The following ROBO2 variants were observed in gnomAD, a reference collection of about 807,000 sequenced individuals.
The protein encoded by ROBO2 is roundabout guidance receptor 2.
Under a neutral mutation model 160.8 loss-of-function variants are expected in ROBO2, and 53 were observed. The ratio of observed to expected loss-of-function variants is 0.33; its 90% CI spans 0.26 to 0.41. The LOEUF (loss-of-function observed/expected upper bound fraction) is 0.41, where lower values mean the gene tolerates loss of function less well. ROBO2 is among the 10% of genes least tolerant of loss of function. The pLI, the probability that ROBO2 is intolerant of heterozygous loss-of-function variation, is 1.00. For synonymous variants in ROBO2, 664 were observed against 611.7 expected (o/e 1.09, Z -1.26); for missense variants, 1,577 against 1,722.4 (o/e 0.92, Z 1.49).
chr3:76,292,060 C>G (rs566136612), intron 2 of ROBO2, among the ~76,000 whole-genome samples: 1 of 152,010 alleles, frequency 6.6e-6, no homozygotes, highest in African/African-American at 2.4e-5. Context: ...TCCCAAATAT[C>G]TTATTAGTTT....
At chr3:76,200,919 GA>G (rs923200277) in intron 2 of ROBO2, among the ~76,000 whole-genome samples, 2 of 151,950 alleles carry the variant, frequency 1.3e-5, no homozygotes, top group Non-Finnish European at 2.9e-5. Flanking sequence ...GTTATTAATT[GA>G]AAAAATAAAA....
chr3:75,959,249 A>G (rs1391470209), intron 2 of ROBO2, among the ~76,000 whole-genome samples: 1 of 151,750 alleles, frequency 6.6e-6, no homozygotes, highest in East Asian at 2.0e-4. Context: ...GTTGATGACC[A>G]CTGTAAGTCT....
At chr3:77,448,347 A>G (rs1238754453) in intron 2 of ROBO2, among the ~76,000 whole-genome samples, 5 of 152,120 alleles carry the variant, frequency 3.3e-5, no homozygotes, top group Non-Finnish European at 7.4e-5. Context: ...CCAACTACCT[A>G]CAAATGTAAA....
chr3:77,524,955 G>A (rs1215424415), intron 6 of ROBO2, among the ~76,000 whole-genome samples: 1 of 151,124 alleles, frequency 6.6e-6, no homozygotes, highest in African/African-American at 2.4e-5. Context: ...ATAATGTAGA[G>A]TAAAATACTG....
In ROBO2 at chr3:76,437,291, G is replaced by T. The variant is rs55717033; in HGVS notation, c.109+499689G>T. Among the ~76,000 whole-genome samples the T allele has an allele frequency of 1.3e-3, 204 of 152,270 alleles. 1 individual carries two copies. The highest frequency in any genetic ancestry group is 4.8e-3 in the African/African-American group (198 of 41,558). On this transcript the variant is annotated intron_variant, in intron 2 of 26. Transcript: ENST00000487694. Reference sequence around the variant, plus strand: ...TAATGACAAGGGCGATAAATGAAAAGATATTAGGCAGTATACTGCTCTCTA... The same window carrying T: ...TAATGACAAGGGCGATAAATGAAAATATATTAGGCAGTATACTGCTCTCTA...
chr3:77,456,676 C>T (rs2081673160), intron 2 of ROBO2, among the ~76,000 whole-genome samples: 1 of 152,160 alleles, frequency 6.6e-6, no homozygotes, highest in South Asian at 2.1e-4. Flanking sequence ...ATGGGGATGA[C>T]ATTTTAAACT....
intron 2 of ROBO2, among the ~76,000 whole-genome samples, chr3:76,158,489 G>A (rs1029753047): frequency 6.6e-6 from 1 of 151,956 alleles, no homozygotes; most frequent in South Asian, 2.1e-4. Context: ...ATGCTGCACA[G>A]GTACTATCTC....
At position 76,632,068 on chromosome 3, in the gene ROBO2, T is replaced by A. The variant is rs556177061; in HGVS notation, c.110-465946T>A. Among the ~76,000 whole-genome samples, 4 of 152,350 alleles carry A rather than the reference T, an allele frequency of 2.6e-5. No individual in the cohort carries two copies. In the East Asian group the frequency reaches 7.7e-4, roughly 29 times the overall value. On this transcript the variant is annotated intron_variant, in intron 2 of 26. Coordinates refer to the ROBO2 transcript ENST00000487694. ...GACACATCCTAATAGTGAGTTGATG[T>A]GAGACTCTGATATTGTACCGCCTTT...
At chr3:76,607,940 T>C (rs2087786198) in intron 2 of ROBO2, among the ~76,000 whole-genome samples, 1 of 152,218 alleles carries the variant, frequency 6.6e-6, no homozygotes, top group African/African-American at 2.4e-5. Context: ...CCTATCTTCC[T>C]AACTGGTTTT....
chr3:77,102,418 C>T (rs965959042), intron 2 of ROBO2, among the ~76,000 whole-genome samples: 2 of 152,146 alleles, frequency 1.3e-5, no homozygotes, highest in African/African-American at 4.8e-5. Context: ...AGTATGTCTC[C>T]AGACATTGGA....
intron 22 of ROBO2, 93 bp downstream of exon 23, chr3:77,617,866 C>T: frequency 7.5e-7 from 1 of 1,325,324 alleles, no homozygotes; most frequent in South Asian, 1.2e-5. Context: ...TAGAACTACA[C>T]AGCTAGGGTT....
chr3:77,254,882 G>A (rs558543864), intron 2 of ROBO2, among the ~76,000 whole-genome samples: 1 of 152,296 alleles, frequency 6.6e-6, no homozygotes, highest in South Asian at 2.1e-4. Flanking sequence ...AACAAGGTCA[G>A]ATCTTCTGAC....
chr3:76,034,324 T>C (rs1442162369), intron 2 of ROBO2, among the ~76,000 whole-genome samples: 2 of 152,242 alleles, frequency 1.3e-5, no homozygotes, highest in Non-Finnish European at 2.9e-5. Context: ...AATTTTGATA[T>C]AATCTCCTTC....
intron 2 of ROBO2, among the ~76,000 whole-genome samples, chr3:76,398,324 G>T (rs900539105): frequency 2.1e-5 from 3 of 144,716 alleles, no homozygotes; most frequent in Non-Finnish European, 4.5e-5. Context: ...GGGGACTGTT[G>T]TGGGGTGGGG....
chr3:75,949,301 T>C (rs1948446150), intron 2 of ROBO2, among the ~76,000 whole-genome samples: 1 of 152,124 alleles, frequency 6.6e-6, no homozygotes, highest in Non-Finnish European at 1.5e-5. Context: ...AGGGATTCTT[T>C]CAATTTAGAA....
At chr3:75,985,478 G>T (rs541188061) in intron 2 of ROBO2, among the ~76,000 whole-genome samples, 80 of 151,632 alleles carry the variant, frequency 5.3e-4, no homozygotes, top group African/African-American at 1.9e-3. Context: ...ATGCATTGAT[G>T]CATTGTACTA....
At chr3:77,355,825 A>G (rs916685279) in intron 2 of ROBO2, among the ~76,000 whole-genome samples, 12 of 152,130 alleles carry the variant, frequency 7.9e-5, no homozygotes, top group African/African-American at 2.4e-4. Flanking sequence ...AAACTGTAAA[A>G]GTAGTGTCAG....
At chr3:77,626,432 A>T (rs924573648) in intron 23 of ROBO2, among the ~76,000 whole-genome samples, 2 of 152,178 alleles carry the variant, frequency 1.3e-5, no homozygotes, top group Non-Finnish European at 2.9e-5. Flanking sequence ...CACCTATTTG[A>T]TTGTAATAAA....
intron 2 of ROBO2, among the ~76,000 whole-genome samples, chr3:76,091,890 A>G (rs1355438918): frequency 6.6e-6 from 1 of 152,178 alleles, no homozygotes; most frequent in East Asian, 1.9e-4. Context: ...TAGAGATAGT[A>G]AAAAAAGATC....
Sources: gnomAD v4.1 joint callset for allele counts (sites outside exome capture counted in the v4.1 genomes callset) on GRCh38, gnomAD v4.1.1 for gene constraint, MANE v1.5 for transcripts, NCBI Gene and HGNC (gene_info 2026-07-23, HGNC 2026-07-21) for gene names.